FSTL5: variants seen among roughly 807,000 people sequenced by gnomAD.
FSTL5 encodes the protein follistatin like 5, also known as follistatin-related protein 5.
Under a neutral mutation model 89.1 loss-of-function variants are expected in FSTL5, and 62 were observed. That is an observed-to-expected ratio of 0.70 (90% CI 0.57 to 0.86). FSTL5 has a LOEUF of 0.86. FSTL5 is among the 40% of genes least tolerant of loss of function. FSTL5 has a pLI of 0.00. For missense variants in FSTL5, 1,057 were observed against 1,001.6 expected, an observed-to-expected ratio of 1.06 and a Z score of -0.75; for synonymous variants, 383 against 346.2, an observed-to-expected ratio of 1.11 and a Z score of -1.18.
At chr4:161,673,507 C>T (rs1378018121) in intron 6 of FSTL5, among the ~76,000 whole-genome samples, 1 of 151,810 alleles carries the variant, frequency 6.6e-6, no homozygotes, top group Non-Finnish European at 1.5e-5. Flanking sequence ...CCTTGAGTAA[C>T]AAAAATCTAA....
In FSTL5 at chr4:161,986,275, C is replaced by T. The variant is rs182082432; in HGVS notation, c.160+47350G>A. Among the ~76,000 whole-genome samples the T allele has an allele frequency of 1.8e-3, 281 of 152,234 alleles. 2 individuals are homozygous for T. Among genetic ancestry groups the T allele is most frequent in the Middle Eastern group, 6.8e-3 (2 of 294 alleles). ...TTTAAAAAATAAAATATAGGCCAGGCACGGTGGCTCACGCCTGTAATCCCA... is the reference window on the plus strand; with the variant it reads ...TTTAAAAAATAAAATATAGGCCAGGTACGGTGGCTCACGCCTGTAATCCCA... On this transcript the variant is annotated intron_variant, in intron 3 of 15. Coordinates refer to ENST00000306100, the MANE Select transcript of FSTL5 (RefSeq NM_020116.5).
intron 8 of FSTL5, among the ~76,000 whole-genome samples, chr4:161,555,085 A>G (rs1732343994): frequency 6.6e-6 from 1 of 151,582 alleles, no homozygotes; most frequent in Non-Finnish European, 1.5e-5. Flanking sequence ...GATGCAACAA[A>G]TGTTGGAGGC....
chr4:161,962,679 T>C (rs1350605857), intron 3 of FSTL5, among the ~76,000 whole-genome samples: 1 of 152,012 alleles, frequency 6.6e-6, no homozygotes, highest in Non-Finnish European at 1.5e-5. Context: ...GTTGATGCCC[T>C]GTCTTTTAAG....
intron 6 of FSTL5, among the ~76,000 whole-genome samples, chr4:161,712,630 C>T (rs1339322649): frequency 6.6e-6 from 1 of 152,148 alleles, no homozygotes; most frequent in Non-Finnish European, 1.5e-5. Flanking sequence ...TCTCCTTCAA[C>T]ATTGGAGGTG....
At chr4:161,422,107 T>G (rs560450488) in intron 15 of FSTL5, among the ~76,000 whole-genome samples, 2 of 152,128 alleles carry the variant, frequency 1.3e-5, no homozygotes, top group East Asian at 3.9e-4. Flanking sequence ...TTATGTATAT[T>G]ATATAGGTCA....
intron 4 of FSTL5, among the ~76,000 whole-genome samples, chr4:161,899,316 G>T (rs1340968542): frequency 6.6e-6 from 1 of 152,152 alleles, no homozygotes; most frequent in Non-Finnish European, 1.5e-5. Flanking sequence ...GAGAAATGTG[G>T]ATAGAGGACA....
intron 3 of FSTL5, among the ~76,000 whole-genome samples, chr4:162,006,282 T>C (rs1262409138): frequency 1.3e-5 from 2 of 151,986 alleles, no homozygotes; most frequent in African/African-American, 4.8e-5. Flanking sequence ...ATACAAGGAC[T>C]TTCCCTGTTT....
chr4:162,081,455 A>G (rs746708063), intron 2 of FSTL5, among the ~76,000 whole-genome samples: 10 of 151,642 alleles, frequency 6.6e-5, no homozygotes, highest in Non-Finnish European at 1.2e-4. Flanking sequence ...GTTAGTGAGC[A>G]AAGCCCTGAT....
At chr4:161,524,537 C>CT (rs143130597) in intron 10 of FSTL5, among the ~76,000 whole-genome samples, 1 of 152,036 alleles carries the variant, frequency 6.6e-6, no homozygotes, top group African/African-American at 2.4e-5. Flanking sequence ...TCTAATTTGG[C>CT]TTTTTTTTCA....
intron 8 of FSTL5, among the ~76,000 whole-genome samples, chr4:161,568,813 T>G (rs902499214): frequency 6.6e-6 from 1 of 152,342 alleles, no homozygotes; most frequent in Non-Finnish European, 1.5e-5. Context: ...TAATTTCCAT[T>G]AGTAATACAA....
At chr4:161,838,128 A>T (rs527373773) in intron 4 of FSTL5, among the ~76,000 whole-genome samples, 28 of 152,332 alleles carry the variant, frequency 1.8e-4, no homozygotes, top group Middle Eastern at 3.4e-3. Flanking sequence ...GAAGCAAAAA[A>T]TCAAAATAAA....
chr4:162,049,648 T>C (rs13122137), intron 2 of FSTL5, among the ~76,000 whole-genome samples: 36,626 of 151,966 alleles, frequency 0.24, 5,128 homozygotes, highest in Non-Finnish European at 0.32. Flanking sequence ...TGGTTGACTA[T>C]CTGCCATGCC....
chr4:161,527,389 T>A (rs1417324550), intron 10 of FSTL5, among the ~76,000 whole-genome samples: 1 of 152,106 alleles, frequency 6.6e-6, no homozygotes, highest in East Asian at 1.9e-4. Flanking sequence ...TTTCGCAACC[T>A]ACTCATCTGA....
chr4:162,026,511 T>C (rs1035729503), intron 3 of FSTL5, among the ~76,000 whole-genome samples: 1 of 151,818 alleles, frequency 6.6e-6, no homozygotes, highest in African/African-American at 2.4e-5. Context: ...TTTCACCATG[T>C]TGGCAAGGCT....
At chr4:161,779,795 A>ATATGTATATATATATG (rs1741577954) in intron 4 of FSTL5, among the ~76,000 whole-genome samples, 10 of 52,966 alleles carry the variant, frequency 1.9e-4, no homozygotes, top group Non-Finnish European at 3.1e-4. Context: ...ATATATATAT[A>ATATGTATATATATATG]TATATATATA....
intron 3 of FSTL5, among the ~76,000 whole-genome samples, chr4:161,944,596 A>C (rs1734684949): frequency 6.6e-6 from 1 of 151,828 alleles, no homozygotes; most frequent in East Asian, 1.9e-4. Context: ...TGTACAGAGA[A>C]ATTGGATAGA....
chr4:162,045,994 C>A (rs1462395199), intron 2 of FSTL5, among the ~76,000 whole-genome samples: 1 of 152,096 alleles, frequency 6.6e-6, no homozygotes, highest in Non-Finnish European at 1.5e-5. Flanking sequence ...TTCTAACTAA[C>A]TCACTTTTAG....
rs141213812 is a variant in FSTL5, at chr4:162,028,772, AGT to A, written c.160+4851_160+4852del. 4.2e-4 allele frequency among the ~76,000 whole-genome samples: 64 copies of A among 152,258 alleles called. 1 individual carries two copies. In the South Asian group the frequency reaches 6.6e-3, roughly 16 times the overall value. ...TAAAATACATGAATTGCCATCTTTCAGTTTTACAGGACATTTTAATCAGTCAA... is the reference window on the plus strand; with the variant it reads ...TAAAATACATGAATTGCCATCTTTCATTTACAGGACATTTTAATCAGTCAA... On this transcript the variant is annotated intron_variant, in intron 3 of 15. Transcript: ENST00000306100.
intron 3 of FSTL5, among the ~76,000 whole-genome samples, chr4:161,936,874 A>C (rs2110911411): frequency 6.6e-6 from 1 of 152,306 alleles, no homozygotes; most frequent in Non-Finnish European, 1.5e-5. Context: ...CAGATTATTC[A>C]GATTCTTCTT....
Sources: allele counts gnomAD v4.1 joint callset (sites outside exome capture counted in the v4.1 genomes callset), GRCh38; gene constraint gnomAD v4.1.1; transcripts MANE v1.5; gene names NCBI Gene and HGNC (gene_info 2026-07-23, HGNC 2026-07-21).